PPP2R2B: variants seen among roughly 807,000 people sequenced by gnomAD.
PPP2R2B encodes protein phosphatase 2 regulatory subunit Bbeta.
PPP2R2B carries 5 observed loss-of-function variants against 46.0 expected under a neutral mutation model. The observed-to-expected ratio is 0.11, with a 90% CI of 0.06 to 0.23. PPP2R2B has a LOEUF of 0.23. Ranked by LOEUF, PPP2R2B falls within the 10% of genes least tolerant of loss-of-function variation. The probability of loss-of-function intolerance (pLI) is 1.00; values close to 1 mark genes in which losing one functional copy is unlikely to be tolerated. For synonymous variants in PPP2R2B, 215 were observed against 206.7 expected, an observed-to-expected ratio of 1.04 and a Z score of -0.34; for missense variants, 367 against 575.0, an observed-to-expected ratio of 0.64 and a Z score of 3.70.
intron 2 of PPP2R2B, among the ~76,000 whole-genome samples, chr5:146,848,475 A>G (rs1395435418): frequency 6.6e-6 from 1 of 152,054 alleles, no homozygotes; most frequent in East Asian, 1.9e-4. Context: ...ACCTTTGATG[A>G]TCTTGACAGT....
At chr5:146,697,133 C>T (rs764175175) in intron 4 of PPP2R2B, among the ~76,000 whole-genome samples, 5 of 152,292 alleles carry the variant, frequency 3.3e-5, no homozygotes, top group South Asian at 4.1e-4. Context: ...TCCTCATAGA[C>T]TCACATATGA....
intron 2 of PPP2R2B, among the ~76,000 whole-genome samples, chr5:146,712,583 GAA>G (rs1255398862): frequency 6.6e-6 from 1 of 152,188 alleles, no homozygotes; most frequent in African/African-American, 2.4e-5. Context: ...ATTAAAACTA[GAA>G]AAGTCAGGAA....
chr5:146,756,146 G>A (rs1462748893), intron 2 of PPP2R2B, among the ~76,000 whole-genome samples: 1 of 152,160 alleles, frequency 6.6e-6, no homozygotes. Context: ...TAGTACTTCT[G>A]AAAGATTCTG....
At chr5:146,985,537 G>A (rs1753387706) in intron 1 of PPP2R2B, among the ~76,000 whole-genome samples, 1 of 152,018 alleles carries the variant, frequency 6.6e-6, no homozygotes, top group African/African-American at 2.4e-5. Flanking sequence ...TGCACTTTCT[G>A]TTCTTATGTT....
At chr5:146,786,567 A>G (rs1755850444) in intron 2 of PPP2R2B, among the ~76,000 whole-genome samples, 2 of 152,176 alleles carry the variant, frequency 1.3e-5, no homozygotes, top group South Asian at 4.1e-4. Flanking sequence ...ACAATTTAAG[A>G]TATTTACATT....
intron 7 of PPP2R2B, among the ~76,000 whole-genome samples, chr5:146,629,558 A>G (rs1387418752): frequency 2.0e-5 from 3 of 152,044 alleles, no homozygotes; most frequent in Non-Finnish European, 4.4e-5. Flanking sequence ...GAACTCTTTT[A>G]AGATCATAAA....
At chr5:146,939,045 A>T (rs1305470226) in intron 1 of PPP2R2B, among the ~76,000 whole-genome samples, 2 of 152,022 alleles carry the variant, frequency 1.3e-5, no homozygotes, top group East Asian at 3.9e-4. Context: ...TTAAGTAGAC[A>T]ATACACATGT....
intron 1 of PPP2R2B, among the ~76,000 whole-genome samples, chr5:147,027,494 G>A (rs895049661): frequency 1.3e-5 from 2 of 152,042 alleles, no homozygotes; most frequent in African/African-American, 4.8e-5. Context: ...TTAGCTGGGA[G>A]TGGTGGCATG....
At chr5:146,980,945 C>G (rs1753145223) in intron 1 of PPP2R2B, among the ~76,000 whole-genome samples, 1 of 151,884 alleles carries the variant, frequency 6.6e-6, no homozygotes, top group African/African-American at 2.4e-5. Context: ...TTTTTTTTAA[C>G]CTAGATACTC....
At chr5:146,867,922 G>A (rs982764484) in intron 2 of PPP2R2B, among the ~76,000 whole-genome samples, 4 of 152,130 alleles carry the variant, frequency 2.6e-5, no homozygotes, top group African/African-American at 9.7e-5. Context: ...GGGCCTTCCT[G>A]GTTTCTGAAA....
chr5:146,892,369 C>T (rs1312940072), intron 1 of PPP2R2B, among the ~76,000 whole-genome samples: 1 of 152,156 alleles, frequency 6.6e-6, no homozygotes, highest in Non-Finnish European at 1.5e-5. Context: ...TGACAAAGAG[C>T]TTTACAATTT....
intron 7 of PPP2R2B, among the ~76,000 whole-genome samples, chr5:146,622,961 C>T (rs1773807181): frequency 6.6e-6 from 1 of 152,136 alleles, no homozygotes. Flanking sequence ...AATTCATAGC[C>T]TTAGTGTATT....
intron 1 of PPP2R2B, among the ~76,000 whole-genome samples, chr5:146,978,887 G>GTGA (rs1753037164): frequency 1.3e-5 from 2 of 152,006 alleles, no homozygotes; most frequent in Non-Finnish European, 2.9e-5. Context: ...AGCCTCTTAA[G>GTGA]TGATAATCTT....
intron 1 of PPP2R2B, among the ~76,000 whole-genome samples, chr5:146,960,907 G>A (rs1752141797): frequency 6.6e-6 from 1 of 152,080 alleles, no homozygotes; most frequent in Non-Finnish European, 1.5e-5. Context: ...TAAAACCAAT[G>A]TATGCCTATT....
At chr5:146,865,329 CTG>C (rs1438784667) in intron 2 of PPP2R2B, among the ~76,000 whole-genome samples, 1 of 148,338 alleles carries the variant, frequency 6.7e-6, no homozygotes. Flanking sequence ...CACACACACA[CTG>C]AGCCTGGAAG....
chr5:147,033,978 G>T (rs1232277339), intron 1 of PPP2R2B, among the ~76,000 whole-genome samples: 1 of 151,994 alleles, frequency 6.6e-6, no homozygotes, highest in Non-Finnish European at 1.5e-5. Context: ...AACTGCAAAG[G>T]TTTCCTATTA....
intron 2 of PPP2R2B, among the ~76,000 whole-genome samples, chr5:146,740,186 T>C (rs1306017685): frequency 6.6e-6 from 1 of 152,180 alleles, no homozygotes; most frequent in Non-Finnish European, 1.5e-5. Flanking sequence ...GAAAAATGAA[T>C]AGGTGAAATG....
In PPP2R2B at chr5:146,949,303, G is replaced by GA. The variant is rs1463490365; in HGVS notation, c.79+106361dup. On this transcript the variant is annotated intron_variant, in intron 1 of 8. Transcript: ENST00000336640. ...ATAAGGAGCTCAAACAACTCAATGG[G>GA]AAAAAAATCTAATAATTTGATTTTA... Among the ~76,000 whole-genome samples the GA allele has an allele frequency of 5.3e-5, 8 of 151,776 alleles. No individual in the cohort carries two copies. The East Asian group carries it at 9.6e-4, about 18-fold the overall frequency.
intron 1 of PPP2R2B, among the ~76,000 whole-genome samples, chr5:147,042,282 C>A (rs1756350132): frequency 6.6e-6 from 1 of 152,044 alleles, no homozygotes; most frequent in African/African-American, 2.4e-5. Flanking sequence ...TCTTCAGGGC[C>A]GAGAGAACTT....
Sources: gnomAD v4.1 joint callset for allele counts (sites outside exome capture counted in the v4.1 genomes callset) on GRCh38, gnomAD v4.1.1 for gene constraint, MANE v1.5 for transcripts, NCBI Gene and HGNC (gene_info 2026-07-23, HGNC 2026-07-21) for gene names.